TMIGD3: variants seen among roughly 807,000 people sequenced by gnomAD.
The protein encoded by TMIGD3 is transmembrane and immunoglobulin domain containing 3, also known as AD026 protein (AD026).
In TMIGD3, 21 loss-of-function variants were observed where a neutral mutation model predicts 28.1. The observed-to-expected ratio is 0.75, with a 90% confidence interval of 0.53 to 1.08. The LOEUF (loss-of-function observed/expected upper bound fraction) is 1.08. TMIGD3 is among the 50% of genes least tolerant of loss of function. TMIGD3 has a pLI of 0.00. For missense variants in TMIGD3, 416 were observed against 435.6 expected, an observed-to-expected ratio of 0.96 and a Z score of 0.40; for synonymous variants, 151 against 162.1, an observed-to-expected ratio of 0.93 and a Z score of 0.52.
intron 1 of TMIGD3, 98 bp from the exon 2 acceptor site, chr1:111,490,860 C>T (rs1654625139): frequency 1.2e-6 from 1 of 815,604 alleles, no homozygotes; most frequent in Non-Finnish European, 2.0e-6. Flanking sequence ...CCAAGCAGTG[C>T]TGCCATGTAT....
chr1:111,545,921 A>G (rs1329820410), intron 1 of TMIGD3, among the ~76,000 whole-genome samples: 2 of 152,160 alleles, frequency 1.3e-5, no homozygotes, highest in Admixed American at 6.5e-5. Context: ...TTGAAAATCA[A>G]TTGTCCACAG....
chr1:111,514,299 C>T (rs1655787273), intron 1 of TMIGD3, among the ~76,000 whole-genome samples: 1 of 152,124 alleles, frequency 6.6e-6, no homozygotes, highest in African/African-American at 2.4e-5. Context: ...GATCCCAGTG[C>T]TTTGGAAGGC....
At position 111,503,281 on chromosome 1, in the gene TMIGD3, C is replaced by A; in HGVS notation, c.74G>T (p.Cys25Phe). The A allele has an allele frequency of 1.2e-6, 2 of 1,614,200 alleles. No individual in the cohort carries two copies. The highest frequency in any genetic ancestry group is 1.7e-6 in the Non-Finnish European group (2 of 1,180,034). Residue 25 changes from cysteine (C) to phenylalanine (F), a missense_variant, in exon 1 of 6, where the codon TGC (cysteine) becomes TTC (phenylalanine). By Grantham distance (205) the Cys-to-Phe change is radical. Coordinates refer to ENST00000369716, the MANE Select transcript of TMIGD3 (RefSeq NM_020683.7). ...GACCAGCACGTTGCCCACTATGGCG[C>A]AGAGTCCAATGAAAATTTCCATGGT... The part of the protein sequence containing the change: ...YITMEIFIGL[C>F]AIVGNVLVIC...
intron 1 of TMIGD3, among the ~76,000 whole-genome samples, chr1:111,492,585 G>A (rs1348137943): frequency 6.6e-6 from 1 of 152,134 alleles, no homozygotes; most frequent in Non-Finnish European, 1.5e-5. Context: ...GGAGGCTGAG[G>A]TGGGCGGATG....
At chr1:111,517,612 G>A (rs1003014696) in intron 1 of TMIGD3, among the ~76,000 whole-genome samples, 4 of 152,174 alleles carry the variant, frequency 2.6e-5, no homozygotes, top group Non-Finnish European at 5.9e-5. Flanking sequence ...GTGAGTTTTG[G>A]CAAATTGCTT....
At chr1:111,562,970 AGATT>A (rs2101049725) in intron 1 of TMIGD3, among the ~76,000 whole-genome samples, 1 of 152,362 alleles carries the variant, frequency 6.6e-6, no homozygotes, top group East Asian at 1.9e-4. Flanking sequence ...AACTTTAGAT[AGATT>A]ATCTTTTGAA....
chr1:111,562,414 T>C (rs1480645988), intron 1 of TMIGD3, among the ~76,000 whole-genome samples: 1 of 152,174 alleles, frequency 6.6e-6, no homozygotes, highest in African/African-American at 2.4e-5. Flanking sequence ...GTGGTTAAAT[T>C]AAACAAATAA....
chr1:111,557,805 T>C (rs549263280), intron 1 of TMIGD3, among the ~76,000 whole-genome samples: 42 of 152,058 alleles, frequency 2.8e-4, no homozygotes, highest in Non-Finnish European at 5.3e-4. Context: ...GGATAAGAAG[T>C]AAAACAAACA....
chr1:111,555,520 T>C (rs979186680), intron 1 of TMIGD3, among the ~76,000 whole-genome samples: 1 of 151,934 alleles, frequency 6.6e-6, no homozygotes, highest in African/African-American at 2.4e-5. Flanking sequence ...AATTGAAGAA[T>C]AGCTGAAGAA....
chr1:111,518,919 TTTTGTTTG>T (rs199508412), intron 1 of TMIGD3, among the ~76,000 whole-genome samples: 69 of 152,166 alleles, frequency 4.5e-4, no homozygotes, highest in African/African-American at 1.3e-3. Context: ...TATTTTCATT[TTTTGTTTG>T]TTTGTTTGTT....
chr1:111,523,431 G>C (rs1327771479), intron 1 of TMIGD3, among the ~76,000 whole-genome samples: 2 of 151,862 alleles, frequency 1.3e-5, no homozygotes, highest in Non-Finnish European at 2.9e-5. Context: ...GACAGCTATT[G>C]GTCTATGATT....
chr1:111,510,861 G>T (rs1284188487), intron 1 of TMIGD3, among the ~76,000 whole-genome samples: 4 of 152,056 alleles, frequency 2.6e-5, no homozygotes, highest in African/African-American at 7.2e-5. Context: ...TCCCACAAGT[G>T]GTCCAAAATG....
At position 111,486,536 on chromosome 1, in the gene TMIGD3, C is replaced by T. The variant is rs371619226; in HGVS notation, c.872+50G>A. 3.2e-6 allele frequency: 4 copies of T among 1,252,382 alleles called. No homozygotes were observed. In the South Asian group the frequency reaches 4.8e-5, roughly 15 times the overall value. 77.6% of individuals were successfully genotyped at this position (1,252,382 alleles called of 1,614,324 possible). On this transcript the variant is annotated intron_variant, in intron 4 of 5. Transcript: ENST00000369716. Reference sequence around the variant, plus strand: ...CATACTGCTGCCACCCCAGCCCCTACCTCCACCCCACCGCCCCAAGCCCAT... The same window carrying T: ...CATACTGCTGCCACCCCAGCCCCTATCTCCACCCCACCGCCCCAAGCCCAT...
At chr1:111,527,977 G>T (rs1223150232) in intron 1 of TMIGD3, among the ~76,000 whole-genome samples, 1 of 151,254 alleles carries the variant, frequency 6.6e-6, no homozygotes, top group Non-Finnish European at 1.5e-5. Flanking sequence ...TCTTAACATT[G>T]TTTTTTTGAA....
At chr1:111,492,838 C>T (rs1654731414) in intron 1 of TMIGD3, among the ~76,000 whole-genome samples, 1 of 147,352 alleles carries the variant, frequency 6.8e-6, no homozygotes. Flanking sequence ...AAAAAAGTAT[C>T]TCTAAAGTAA....
intron 1 of TMIGD3, among the ~76,000 whole-genome samples, chr1:111,522,787 A>G (rs1002663277): frequency 3.3e-5 from 5 of 152,238 alleles, no homozygotes; most frequent in African/African-American, 1.2e-4. Flanking sequence ...AAGTGCTGGG[A>G]TTACAGGCGT....
At chr1:111,511,036 C>A (rs569479227) in intron 1 of TMIGD3, among the ~76,000 whole-genome samples, 2 of 152,324 alleles carry the variant, frequency 1.3e-5, no homozygotes, top group East Asian at 1.9e-4. Flanking sequence ...ATAATGCTAT[C>A]ATTCCCCCAG....
chr1:111,558,391 T>G (rs1432712071), intron 1 of TMIGD3, among the ~76,000 whole-genome samples: 1 of 152,036 alleles, frequency 6.6e-6, no homozygotes, highest in Non-Finnish European at 1.5e-5. Flanking sequence ...TTTGCCATGT[T>G]GCCCAAGCTG....
chr1:111,495,972 A>G (rs951441291), intron 1 of TMIGD3, among the ~76,000 whole-genome samples: 6 of 152,160 alleles, frequency 3.9e-5, no homozygotes, highest in African/African-American at 1.4e-4. Flanking sequence ...CATGGAGAAA[A>G]AGAGGGAAAC....
Sources: gnomAD v4.1 joint callset for allele counts (sites outside exome capture counted in the v4.1 genomes callset) on GRCh38, gnomAD v4.1.1 for gene constraint, MANE v1.5 for transcripts, NCBI Gene and HGNC (gene_info 2026-07-23, HGNC 2026-07-21) for gene names.